Variants in LARP4 observed in about 807,000 individuals in gnomAD.
LARP4 encodes the protein la-related protein 4.
A neutral mutation model predicts 92.9 loss-of-function variants in LARP4; 29 were observed. That is an observed-to-expected ratio of 0.31 (90% confidence interval 0.23 to 0.43). LARP4 has a LOEUF of 0.43. Among genes scored for constraint, LARP4 ranks in the 20% least tolerant of loss-of-function variants. LARP4 has a pLI of 1.00. For missense variants in LARP4, 732 were observed against 860.0 expected (o/e 0.85, Z 1.86); for synonymous variants, 279 against 284.1 (o/e 0.98, Z 0.18).
chr12:50,427,991 C>CTT, intron 2 of LARP4, 82 bp downstream of exon 2: 58 of 413,332 alleles, frequency 1.4e-4, no homozygotes, highest in Admixed American at 7.0e-4. Flanking sequence ...TGAGACACAT[C>CTT]TCTTTTTTTT....
At chr12:50,430,743 C>T (rs1949527818) in intron 4 of LARP4, among the ~76,000 whole-genome samples, 173 bp downstream of exon 4, 1 of 151,528 alleles carries the variant, frequency 6.6e-6, no homozygotes, top group Admixed American at 6.6e-5. Flanking sequence ...TCACAGCAGC[C>T]TCCGCCTCCA....
chr12:50,444,728 C>T (rs1192092520), intron 8 of LARP4, among the ~76,000 whole-genome samples: 1 of 152,164 alleles, frequency 6.6e-6, no homozygotes, highest in Non-Finnish European at 1.5e-5. Context: ...TTTATCCACT[C>T]ATTTCCTAAT....
chr12:50,439,387 A>T (rs1231680327), intron 6 of LARP4, among the ~76,000 whole-genome samples: 1 of 151,394 alleles, frequency 6.6e-6, no homozygotes, highest in African/African-American at 2.4e-5. Context: ...TTTTTTTTTC[A>T]TGTTAAGAAA....
At chr12:50,470,831 T>G (rs1956851756) in intron 13 of LARP4, among the ~76,000 whole-genome samples, 2 of 152,174 alleles carry the variant, frequency 1.3e-5, no homozygotes, top group South Asian at 4.1e-4. Context: ...GCCCCACTCT[T>G]CCCCTTCAGA....
intron 1 of LARP4, among the ~76,000 whole-genome samples, chr12:50,413,109 G>A (rs568590394): frequency 4.6e-5 from 7 of 151,804 alleles, no homozygotes; most frequent in Non-Finnish European, 1.0e-4. Flanking sequence ...TGTGATCCCA[G>A]CTACTCAGGA....
intron 10 of LARP4, among the ~76,000 whole-genome samples, chr12:50,458,155 T>A (rs1593317986): frequency 1.3e-5 from 2 of 151,876 alleles, no homozygotes; most frequent in African/African-American, 4.8e-5. Context: ...TGCAGGCTGG[T>A]CTCAAACTCC....
At chr12:50,424,697 GT>G (rs1436476934) in intron 1 of LARP4, among the ~76,000 whole-genome samples, 2 of 152,104 alleles carry the variant, frequency 1.3e-5, no homozygotes, top group East Asian at 3.9e-4. Context: ...AAATAAGAAT[GT>G]TTTACCCCAA....
In LARP4 at chr12:50,435,355, A is replaced by T. The variant is rs186111798; in HGVS notation, c.399-133A>T. The T allele has an allele frequency of 2.7e-5, 17 of 627,950 alleles. No individual in the cohort carries two copies. In the South Asian group the frequency reaches 3.6e-4, roughly 13 times the overall value. 38.9% of individuals were successfully genotyped at this position (627,950 alleles called of 1,614,324 possible). A position where few individuals can be genotyped will look rare whatever the true frequency, so the allele number is the denominator to read the frequency against. On this transcript the variant is annotated intron_variant, in intron 4 of 15. Coordinates refer to ENST00000398473, the MANE Select transcript of LARP4 (RefSeq NM_052879.5). The stretch of plus-strand genomic sequence containing the variant: ...TTTAACAACTTTTTAGAGTTCACTG[A>T]AAAGTTTAATGTTATTTCTGATAGA...
intron 8 of LARP4, among the ~76,000 whole-genome samples, chr12:50,446,630 T>C (rs1451885175): frequency 2.0e-5 from 3 of 150,048 alleles, no homozygotes; most frequent in Non-Finnish European, 3.0e-5. Flanking sequence ...GGTTTCACTA[T>C]GTTGGCCAGG....
chr12:50,440,604 G>A (rs1023719093), intron 7 of LARP4, 55 bp downstream of exon 7: 12 of 1,170,684 alleles, frequency 1.0e-5, no homozygotes, highest in Non-Finnish European at 1.5e-5. Flanking sequence ...AATAAGTAGT[G>A]GTATATTTTA....
At position 50,427,867 on chromosome 12, in the gene LARP4, T is replaced by C; in HGVS notation, c.124T>C (p.Ser42Pro). Residue 42 changes from serine (S) to proline (P), a missense_variant, in exon 2 of 16, where the codon TCT becomes CCT. By Grantham distance (74) the Ser-to-Pro change is moderately conservative (BLOSUM62 -1). Around this residue, in one of 7 missense-constraint regions of LARP4, gnomAD observed 236 missense variants for 307.6 expected, o/e 0.77. Coordinates refer to ENST00000398473, the MANE Select transcript of LARP4 (RefSeq NM_052879.5). ...CCCAGTAACTCATGGAACTGAAAGC[T>C]CTTGGCATGAAATAGCAGCTACATC... Reference protein sequence around the residue: ...ATPVTHGTESSWHEIAATSGA... With the variant: ...ATPVTHGTESPWHEIAATSGA... 6.2e-7 allele frequency: 1 copy of C among 1,601,484 alleles called. No homozygotes were observed. Among genetic ancestry groups the C allele is most frequent in the Non-Finnish European group, 8.5e-7 (1 of 1,171,514 alleles).
chr12:50,470,057 A>G (rs936456224), intron 13 of LARP4, among the ~76,000 whole-genome samples: 2 of 150,624 alleles, frequency 1.3e-5, no homozygotes, highest in African/African-American at 2.4e-5. Context: ...CCGTCTGTAC[A>G]TAAAGTAAAA....
chr12:50,410,681 G>A (rs1018208475), intron 1 of LARP4, among the ~76,000 whole-genome samples: 5 of 152,130 alleles, frequency 3.3e-5, no homozygotes, highest in African/African-American at 1.2e-4. Flanking sequence ...TGGGATTACA[G>A]GCGTGAGCCA....
intron 10 of LARP4, among the ~76,000 whole-genome samples, chr12:50,459,144 G>T (rs762385622): frequency 2.6e-5 from 4 of 152,014 alleles, no homozygotes; most frequent in African/African-American, 9.7e-5. Flanking sequence ...GATTACAGGT[G>T]TTTGCCACCA....
At chr12:50,459,815 T>C (rs1593337984) in intron 10 of LARP4, among the ~76,000 whole-genome samples, 2 of 97,384 alleles carry the variant, frequency 2.1e-5, no homozygotes, top group African/African-American at 4.3e-5. Flanking sequence ...AGAGCAAGAC[T>C]CCGTATCAAA....
chr12:50,445,603 A>G (rs1951887316), intron 8 of LARP4, among the ~76,000 whole-genome samples: 1 of 151,498 alleles, frequency 6.6e-6, no homozygotes, highest in Non-Finnish European at 1.5e-5. Context: ...GATTCTGTTC[A>G]TTTTTCTTCA....
chr12:50,444,207 A>G (rs1432277730), intron 8 of LARP4, among the ~76,000 whole-genome samples: 1 of 150,674 alleles, frequency 6.6e-6, no homozygotes, highest in Admixed American at 6.6e-5. Flanking sequence ...ATTCATTTTT[A>G]CTACTTTAAA....
intron 1 of LARP4, among the ~76,000 whole-genome samples, chr12:50,410,203 A>G (rs1945609609): frequency 6.6e-6 from 1 of 152,100 alleles, no homozygotes; most frequent in Non-Finnish European, 1.5e-5. Flanking sequence ...TAATTGAAGT[A>G]ATGGCTTAGT....
intron 15 of LARP4, among the ~76,000 whole-genome samples, chr12:50,474,796 A>G (rs1381930851): frequency 6.6e-6 from 1 of 152,172 alleles, no homozygotes; most frequent in Admixed American, 6.5e-5. Context: ...TGTGATACTT[A>G]ACAAGTCTAT....
Sources: allele counts gnomAD v4.1 joint callset (sites outside exome capture counted in the v4.1 genomes callset), GRCh38; gene constraint gnomAD v4.1.1; regional missense constraint gnomAD v4.1.1; transcripts MANE v1.5; gene names NCBI Gene and HGNC (gene_info 2026-07-23, HGNC 2026-07-21).